RNF212: variants seen among roughly 807,000 people sequenced by gnomAD.
The protein encoded by RNF212 is ring finger protein 212.
In RNF212, 33 loss-of-function variants were observed where a neutral mutation model predicts 34.7. The observed-to-expected ratio is 0.95, with a 90% CI of 0.72 to 1.27. RNF212 has a LOEUF of 1.27. RNF212 is among the 50% of genes most tolerant of loss of function. RNF212 has a pLI of 0.00. For synonymous variants in RNF212, 140 were observed against 136.1 expected, an observed-to-expected ratio of 1.03 and a Z score of -0.20; for missense variants, 377 against 362.2, an observed-to-expected ratio of 1.04 and a Z score of -0.33.
chr4:1,061,120 C>T (rs1577606018), intron 3 of RNF212, among the ~76,000 whole-genome samples: 1 of 152,170 alleles, frequency 6.6e-6, no homozygotes. Flanking sequence ...TTGGGAGGAG[C>T]GGGACTTGGC....
At chr4:1,097,910 CA>C (rs1032567360) in intron 2 of RNF212, among the ~76,000 whole-genome samples, 2 of 152,038 alleles carry the variant, frequency 1.3e-5, no homozygotes, top group African/African-American at 4.8e-5. Flanking sequence ...ATCAAAAATA[CA>C]AAAGTTACCT....
Position 1,113,485 on chromosome 4 carries a change from GGCGAGGCCGGGCCCACGCGAAGCCCAC to G in RNF212, c.-48_-22del. ...GCCATGCCAGGCGGGCGACCGCAGC[GGCGAGGCCGGGCCCACGCGAAGCCCAC>G]GCAAGGTTGGGACCAGCCTCCCCGC... On this transcript the variant is annotated 5_prime_UTR_variant, in exon 1 of 10. Transcript: ENST00000433731. The G allele has an allele frequency of 6.3e-7, 1 of 1,593,422 alleles. No individual in the cohort carries two copies.
At chr4:1,060,965 T>C (rs1428011884) in intron 3 of RNF212, among the ~76,000 whole-genome samples, 2 of 152,162 alleles carry the variant, frequency 1.3e-5, no homozygotes, top group Non-Finnish European at 2.9e-5. Context: ...CAATGAGTTA[T>C]CTCTACGAAG....
chr4:1,061,803 C>T (rs945388501), intron 3 of RNF212, among the ~76,000 whole-genome samples: 2 of 152,222 alleles, frequency 1.3e-5, no homozygotes, highest in Non-Finnish European at 2.9e-5. Flanking sequence ...AAACAAAAAC[C>T]AATCAAACAA....
At position 1,108,398 on chromosome 4, in the gene RNF212, T is replaced by C; in HGVS notation, c.116A>G (p.Lys39Arg). ...AGCTTTACAAATCAAGCATTCATTC[T>C]TTTTACCTATAAAATAAAAATAGGC... The part of the protein sequence containing the change: ...YCDACLGKGK[K>R]NECLICKAPC... The change falls in exon 2 of 10, where the codon AAG (lysine) becomes AGG (arginine). Residue 39 changes from lysine (K) to arginine (R), a missense_variant. Transcript: ENST00000433731. The C allele has an allele frequency of 6.7e-7, 1 of 1,488,586 alleles. No homozygotes were observed. The highest frequency in any genetic ancestry group is 8.9e-7 in the Non-Finnish European group (1 of 1,122,748). The allele number at this position is 1,488,586 out of a possible 1,614,324, so 92.2% of individuals were successfully genotyped here.
chr4:1,072,732 G>A lies in RNF212; in HGVS notation c.*142C>T. The A allele has an allele frequency of 7.1e-7, 1 of 1,417,404 alleles. No individual in the cohort carries two copies. The highest frequency in any genetic ancestry group is 9.2e-7 in the Non-Finnish European group (1 of 1,088,466). 87.8% of individuals were successfully genotyped at this position (1,417,404 alleles called of 1,614,324 possible). A position where few individuals can be genotyped will look rare whatever the true frequency, so the allele number is the denominator to read the frequency against. On this transcript the variant is annotated 3_prime_UTR_variant, in exon 10 of 10. Coordinates refer to ENST00000433731, the MANE Select transcript of RNF212 (RefSeq NM_001131034.4). The stretch of plus-strand genomic sequence containing the variant: ...CAAAGGTCAAATATAAAATTACAAA[G>A]CAAATTGGGTAAAAGGTTAATATCC...
intron 5 of RNF212, among the ~76,000 whole-genome samples, chr4:1,085,146 T>C (rs1720966847): frequency 6.6e-6 from 1 of 152,236 alleles, no homozygotes; most frequent in African/African-American, 2.4e-5. Context: ...AACGGGGGCT[T>C]GTGACTATTC....
downstream of RNF212, among the ~76,000 whole-genome samples, chr4:1,068,462 ATCT>A (rs1718233553): frequency 6.6e-6 from 1 of 152,078 alleles, no homozygotes; most frequent in Non-Finnish European, 1.5e-5. Context: ...AACGAGTCTC[ATCT>A]TCTGCTCTAC....
intron 3 of RNF212, among the ~76,000 whole-genome samples, chr4:1,095,027 C>A (rs1309761977): frequency 6.6e-6 from 1 of 152,202 alleles, no homozygotes; most frequent in African/African-American, 2.4e-5. Flanking sequence ...TTCAAAGGAA[C>A]TTGCCTCCAG....
chr4:1,091,505 G>A (rs1722179415), intron 3 of RNF212, among the ~76,000 whole-genome samples: 3 of 152,204 alleles, frequency 2.0e-5, no homozygotes. Flanking sequence ...CAGACAACAG[G>A]GCTAACTGTG....
At chr4:1,100,363 G>A (rs604597) in intron 2 of RNF212, 29,091 of 153,592 alleles carry the variant, frequency 0.19, 3,505 homozygotes, top group East Asian at 0.38. Flanking sequence ...CGAGCTACTG[G>A]TGCACCTGTT....
Position 1,113,532 on chromosome 4 carries a change from C to G in RNF212, c.-68G>C. 1 of 1,343,234 alleles carries G rather than the reference C, an allele frequency of 7.4e-7. No individual in the cohort carries two copies. The highest frequency in any genetic ancestry group is 1.3e-5 in the South Asian group (1 of 79,336). 83.2% of individuals were successfully genotyped at this position (1,343,234 alleles called of 1,614,324 possible). On this transcript the variant is annotated 5_prime_UTR_variant, in exon 1 of 10. Coordinates refer to ENST00000433731, the MANE Select transcript of RNF212 (RefSeq NM_001131034.4). ...GCCCACGCAAGGTTGGGACCAGCCTCCCCGCGCAGGGCCCGAAGGCGGGCA... is the reference window on the plus strand; with the variant it reads ...GCCCACGCAAGGTTGGGACCAGCCTGCCCGCGCAGGGCCCGAAGGCGGGCA...
chr4:1,058,532 C>A, intron 3 of RNF212: 1 of 198,730 alleles, frequency 5.0e-6, no homozygotes, highest in Non-Finnish European at 9.1e-6. Context: ...GCAGGCAGAG[C>A]CACACAGGCA....
At chr4:1,088,441 T>C (rs1721681230) in intron 4 of RNF212, among the ~76,000 whole-genome samples, 1 of 152,202 alleles carries the variant, frequency 6.6e-6, no homozygotes, top group Admixed American at 6.5e-5. Flanking sequence ...GTCACATACG[T>C]GTTCACAAAG....
chr4:1,105,752 C>G (rs576249792), intron 2 of RNF212, among the ~76,000 whole-genome samples: 54 of 152,348 alleles, frequency 3.5e-4, no homozygotes, highest in African/African-American at 1.3e-3. Flanking sequence ...GTCCTTCCAC[C>G]GCAGGTCAGG....
intron 5 of RNF212, chr4:1,081,862 C>A: frequency 2.0e-6 from 1 of 503,328 alleles, no homozygotes; most frequent in East Asian, 3.5e-5. Context: ...CTGGCTCTTA[C>A]AACTGCAACT....
At chr4:1,092,757 G>A (rs1013843949) in intron 3 of RNF212, among the ~76,000 whole-genome samples, 8 of 152,234 alleles carry the variant, frequency 5.3e-5, no homozygotes, top group East Asian at 1.9e-4. Flanking sequence ...AGAGCTGCCC[G>A]GTGCTCACGC....
At chr4:1,061,417 G>T (rs916941628) in intron 3 of RNF212, among the ~76,000 whole-genome samples, 7 of 152,202 alleles carry the variant, frequency 4.6e-5, no homozygotes, top group African/African-American at 1.7e-4. Context: ...GGACCAGTCA[G>T]AAAAATAACG....
intron 3 of RNF212, chr4:1,093,714 A>T (rs772842409): frequency 2.0e-6 from 3 of 1,536,118 alleles, no homozygotes; most frequent in Non-Finnish European, 2.6e-6. Context: ...CTGTGATAAC[A>T]GACATGTTTT....
Sources: allele counts gnomAD v4.1 joint callset (sites outside exome capture counted in the v4.1 genomes callset), GRCh38; gene constraint gnomAD v4.1.1; transcripts MANE v1.5; gene names NCBI Gene and HGNC (gene_info 2026-07-23, HGNC 2026-07-21).